The following APP variants were observed in gnomAD, a reference collection of about 807,000 sequenced individuals.
The protein encoded by APP is amyloid-beta precursor protein.
In APP, 31 loss-of-function variants were observed where a neutral mutation model predicts 101.4. The ratio of observed to expected loss-of-function variants is 0.31; its 90% CI spans 0.23 to 0.41. APP has a LOEUF of 0.41. APP is among the 10% of genes least tolerant of loss of function. The pLI is 1.00. For synonymous variants in APP, 366 were observed against 364.4 expected (o/e 1.00, Z -0.05); for missense variants, 839 against 1,003.7 (o/e 0.84, Z 2.22).
In APP at chr21:26,048,375, T is replaced by C. The variant is rs554456672; in HGVS notation, c.662+2625A>G. 3.9e-5 allele frequency among the ~76,000 whole-genome samples: 6 copies of C among 152,162 alleles called. No homozygotes were observed. In the East Asian group the frequency reaches 9.7e-4, roughly 25 times the overall value. ...CTCACATTACATTTGTATTAGACAG[T>C]TCTTTGCTAAAAGATGGGAGGCTCT... On this transcript the variant is annotated intron_variant, in intron 5 of 17. Coordinates refer to ENST00000346798, the MANE Select transcript of APP (RefSeq NM_000484.4).
intron 8 of APP, among the ~76,000 whole-genome samples, chr21:25,987,335 A>C (rs2146621416): frequency 6.6e-6 from 1 of 152,274 alleles, no homozygotes; most frequent in Admixed American, 6.5e-5. Context: ...CCTCCACAAA[A>C]ACCTAGACTT....
intron 4 of APP, among the ~76,000 whole-genome samples, chr21:26,051,547 AAAT>A (rs1405837133): frequency 6.6e-6 from 1 of 152,170 alleles, no homozygotes; most frequent in Non-Finnish European, 1.5e-5. Flanking sequence ...GTGTATCCAG[AAAT>A]TGTGCGCATT....
At chr21:26,149,229 G>C (rs368031203) in intron 1 of APP, among the ~76,000 whole-genome samples, 1 of 152,188 alleles carries the variant, frequency 6.6e-6, no homozygotes, top group Admixed American at 6.5e-5. Context: ...TATTTTGCTG[G>C]AGGCAGAGAA....
intron 6 of APP, among the ~76,000 whole-genome samples, chr21:26,000,554 A>C (rs1301133268): frequency 1.3e-5 from 2 of 152,266 alleles, no homozygotes; most frequent in Non-Finnish European, 2.9e-5. Flanking sequence ...CTTTCATGTA[A>C]GGAAACTGCT....
At chr21:26,122,005 T>C (rs569307690) in intron 1 of APP, among the ~76,000 whole-genome samples, 3 of 152,324 alleles carry the variant, frequency 2.0e-5, no homozygotes, top group South Asian at 4.2e-4. Context: ...GGGTCTACCA[T>C]TTAACTAGAA....
In APP at chr21:26,110,608, C is replaced by A. The variant is rs190429777; in HGVS notation, c.225+1371G>T. On this transcript the variant is annotated intron_variant, in intron 2 of 17. Transcript: ENST00000346798. Reference sequence around the variant, plus strand: ...TAGATGCTTTTTGCTTCTCAAAACACCAATTAGTAATTAGAGCTTGTCCTT... The same window carrying A: ...TAGATGCTTTTTGCTTCTCAAAACAACAATTAGTAATTAGAGCTTGTCCTT... Among the ~76,000 whole-genome samples, 10 of 152,098 alleles carry A rather than the reference C, an allele frequency of 6.6e-5. No homozygotes were observed. In the East Asian group the frequency reaches 1.2e-3, roughly 18 times the overall value.
At chr21:26,089,110 A>C (rs1332088649) in intron 3 of APP, among the ~76,000 whole-genome samples, 4 of 152,322 alleles carry the variant, frequency 2.6e-5, no homozygotes, top group African/African-American at 7.2e-5. Flanking sequence ...ATTTGTCCAC[A>C]ATCTCCACAG....
intron 3 of APP, 128 bp downstream of exon 3, chr21:26,089,815 C>G: frequency 7.0e-7 from 1 of 1,419,832 alleles, no homozygotes. Context: ...GTCCAAAACA[C>G]AGTACAACAC....
intron 16 of APP, 27 bp downstream of exon 16, chr21:25,897,546 T>C: frequency 6.5e-7 from 1 of 1,535,972 alleles, no homozygotes; most frequent in Non-Finnish European, 9.0e-7. Context: ...CAAACAGTAG[T>C]GGAAAGAGGT....
At chr21:25,900,787 G>A (rs2038406410) in intron 15 of APP, among the ~76,000 whole-genome samples, 1 of 149,680 alleles carries the variant, frequency 6.7e-6, no homozygotes, top group Non-Finnish European at 1.5e-5. Flanking sequence ...GGATCACGAG[G>A]TCAAGAGATC....
chr21:25,906,356 C>T (rs2038788332), intron 14 of APP, among the ~76,000 whole-genome samples: 1 of 125,124 alleles, frequency 8.0e-6, no homozygotes, highest in Non-Finnish European at 1.7e-5. Flanking sequence ...CCAACATTTA[C>T]AATGTCTGTG....
chr21:26,040,409 C>T (rs1601296199), intron 5 of APP, among the ~76,000 whole-genome samples: 1 of 152,204 alleles, frequency 6.6e-6, no homozygotes, highest in East Asian at 1.9e-4. Flanking sequence ...CGAGACCAGC[C>T]TGACCAACAT....
chr21:25,982,624 A>G, intron 8 of APP, 147 bp from the exon 9 acceptor site: 1 of 703,998 alleles, frequency 1.4e-6, no homozygotes, highest in South Asian at 1.8e-5. Context: ...AATGCTGTTT[A>G]AGAGAACACC....
intron 1 of APP, among the ~76,000 whole-genome samples, chr21:26,159,739 CTATT>C (rs775998413): frequency 2.6e-5 from 4 of 152,272 alleles, no homozygotes; most frequent in South Asian, 4.1e-4. Flanking sequence ...ATCTCATCGG[CTATT>C]TATTAAATCA....
chr21:26,079,997 G>A (rs1287964556), intron 3 of APP, among the ~76,000 whole-genome samples: 1 of 152,100 alleles, frequency 6.6e-6, no homozygotes, highest in African/African-American at 2.4e-5. Flanking sequence ...GGTGGTGCAC[G>A]CCTGTAATCC....
intron 5 of APP, among the ~76,000 whole-genome samples, chr21:26,042,214 C>T (rs2045402916): frequency 6.6e-6 from 1 of 152,198 alleles, no homozygotes; most frequent in African/African-American, 2.4e-5. Context: ...AAACTTGTAA[C>T]TCCAGAGATA....
chr21:25,910,559 A>G (rs558785803), intron 14 of APP, among the ~76,000 whole-genome samples: 109 of 152,336 alleles, frequency 7.2e-4, no homozygotes, highest in African/African-American at 2.0e-3. Flanking sequence ...TTTGTGTGTA[A>G]TTGTATACTT....
chr21:26,084,548 T>C (rs1302826251), intron 3 of APP, among the ~76,000 whole-genome samples: 2 of 151,860 alleles, frequency 1.3e-5, no homozygotes, highest in Non-Finnish European at 2.9e-5. Flanking sequence ...GAAGACACCA[T>C]TTTTATAGGT....
At chr21:26,134,302 T>C (rs1367782265) in intron 1 of APP, among the ~76,000 whole-genome samples, 2 of 152,184 alleles carry the variant, frequency 1.3e-5, no homozygotes, top group Non-Finnish European at 2.9e-5. Flanking sequence ...GAGGGCTCAG[T>C]ACCACAAAAC....
Sources: gnomAD v4.1 joint callset for allele counts (sites outside exome capture counted in the v4.1 genomes callset) on GRCh38, gnomAD v4.1.1 for gene constraint, MANE v1.5 for transcripts, NCBI Gene and HGNC (gene_info 2026-07-23, HGNC 2026-07-21) for gene names.